IL16: variants seen among roughly 807,000 people sequenced by gnomAD.
The protein encoded by IL16 is pro-interleukin-16.
A neutral mutation model predicts 110.1 loss-of-function variants in IL16; 67 were observed. That is an observed-to-expected ratio of 0.61 (90% CI 0.50 to 0.75). The LOEUF (loss-of-function observed/expected upper bound fraction) is 0.75, where lower values mean the gene tolerates loss of function less well. Ranked by LOEUF, IL16 falls within the 30% of genes least tolerant of loss-of-function variation. IL16 has a pLI of 0.00. For synonymous variants in IL16, 689 were observed against 662.9 expected (o/e 1.04, Z -0.61); for missense variants, 1,545 against 1,655.0 (o/e 0.93, Z 1.15).
At chr15:81,271,704 CG>C (rs921490654) in intron 5 of IL16, among the ~76,000 whole-genome samples, 1 of 152,102 alleles carries the variant, frequency 6.6e-6, no homozygotes, top group Admixed American at 6.5e-5. Flanking sequence ...GCTAGGGGCC[CG>C]TGGAGGAGCC....
intron 17 of IL16, 32 bp downstream of exon 17, chr15:81,306,198 G>A: frequency 6.2e-7 from 1 of 1,603,996 alleles, no homozygotes. Context: ...GAAGCCACAT[G>A]GGCCACATCC....
chr15:81,248,628 A>G (rs7172611), intron 2 of IL16, among the ~76,000 whole-genome samples: 40,811 of 147,440 alleles, frequency 0.28, 7,124 homozygotes, highest in African/African-American at 0.5. Context: ...CTGCTTTCTT[A>G]TCTTTTTATT....
intron 1 of IL16, among the ~76,000 whole-genome samples, chr15:81,203,318 T>G (rs1293319835): frequency 6.6e-6 from 1 of 152,214 alleles, no homozygotes; most frequent in Non-Finnish European, 1.5e-5. Context: ...AGAAGCTCTT[T>G]AGTTTAATTA....
chr15:81,196,861 AT>A, upstream of IL16: 1 of 1,152,116 alleles, frequency 8.7e-7, no homozygotes, highest in Non-Finnish European at 1.1e-6. Flanking sequence ...CTTCGAGCAA[AT>A]CCATGCCAGG....
Position 81,269,580 on chromosome 15 carries a change from G to C in IL16, c.607G>C (p.Val203Leu), listed in dbSNP as rs149850550. The change falls in exon 5 of 19, where the codon GTG (valine) becomes CTG (leucine). Residue 203 changes from valine (V) to leucine (L), a missense_variant. This residue lies in a region of IL16 where 1,185 missense variants were observed against 1,238.8 expected (regional missense o/e 0.96). Transcript: ENST00000683961. ...ACGGTCCCTGAGCACAGCTCAGCTC[G>C]TGCAGCCATCTGGGGGCCTCCAGGC... ...PTRSLSTAQL[V>L]QPSGGLQASV... is the part of the protein sequence containing the mutation. 12 of 1,614,150 alleles carry C rather than the reference G, an allele frequency of 7.4e-6. No homozygotes were observed. The South Asian group carries it at 7.7e-5, about 10-fold the overall frequency.
intron 1 of IL16, among the ~76,000 whole-genome samples, chr15:81,223,650 A>G (rs1377201075): frequency 1.3e-5 from 2 of 152,258 alleles, no homozygotes; most frequent in African/African-American, 4.8e-5. Context: ...ACTAAATAGT[A>G]AAGCAATGAG....
intron 1 of IL16, among the ~76,000 whole-genome samples, chr15:81,202,491 A>C: frequency 8.0e-6 from 1 of 125,696 alleles, no homozygotes; most frequent in South Asian, 3.1e-4. Context: ...TACACCCACA[A>C]CAGTCCCCAG....
At chr15:81,290,690 C>A (rs563237064) in intron 11 of IL16, 150 bp downstream of exon 11, 12 of 493,850 alleles carry the variant, frequency 2.4e-5, no homozygotes, top group Non-Finnish European at 4.0e-5. Context: ...AAACTAGCAG[C>A]CCACCAGCTA....
At position 81,273,182 on chromosome 15, in the gene IL16, A is replaced by C; in HGVS notation, c.768A>C (p.Ala256=). Residue 256 remains alanine (A), a synonymous_variant, in exon 6 of 19, where the codon GCA becomes GCC. Coordinates refer to ENST00000683961, the MANE Select transcript of IL16 (RefSeq NM_172217.5). ...CCATTTTTGCAGGGGGAGCAGCAGC[A>C]GCCGATGGAAGGCTACAGGAAGGTA... ...VKTIFAGGAA[A]ADGRLQEGDE... The C allele has an allele frequency of 6.2e-7, 1 of 1,612,704 alleles. No homozygotes were observed. The highest frequency in any genetic ancestry group is 8.5e-7 in the Non-Finnish European group (1 of 1,179,124).
rs1381212188 is a variant in IL16, at chr15:81,310,047, G to A, written c.*1249G>A. 1 of 152,260 alleles carries A rather than the reference G, an allele frequency of 6.6e-6. No individual in the cohort carries two copies. Among genetic ancestry groups the A allele is most frequent in the Non-Finnish European group, 1.5e-5 (1 of 68,042 alleles). 9.4% of individuals were successfully genotyped at this position (152,260 alleles called of 1,614,324 possible). A position where few individuals can be genotyped will look rare whatever the true frequency, so the allele number is the denominator to read the frequency against. On this transcript the variant is annotated 3_prime_UTR_variant, in exon 19 of 19. Transcript: ENST00000683961. ...ATATTTGGTTTGGCCATCTCTGGAT[G>A]CCTGATTGCCAAGCTCAGGACCAGG...
At chr15:81,205,530 A>G (rs78051388) in intron 1 of IL16, among the ~76,000 whole-genome samples, 1 of 152,182 alleles carries the variant, frequency 6.6e-6, no homozygotes, top group Non-Finnish European at 1.5e-5. Flanking sequence ...AATGAAACCT[A>G]TGATTCATTA....
intron 1 of IL16, among the ~76,000 whole-genome samples, chr15:81,221,320 T>C (rs530430220): frequency 6.6e-6 from 1 of 152,098 alleles, no homozygotes; most frequent in Non-Finnish European, 1.5e-5. Context: ...GGCTGTCTTG[T>C]GGAGGGCCCA....
chr15:81,272,514 TA>T (rs1898686849), intron 5 of IL16, among the ~76,000 whole-genome samples: 1 of 152,312 alleles, frequency 6.6e-6, no homozygotes, highest in Non-Finnish European at 1.5e-5. Context: ...GGGAATCACC[TA>T]GGACAATGGC....
At chr15:81,298,164 A>G (rs1900084695) in intron 13 of IL16, among the ~76,000 whole-genome samples, 1 of 152,268 alleles carries the variant, frequency 6.6e-6, no homozygotes, top group South Asian at 2.1e-4. Context: ...TCAAAAATGC[A>G]GAAACAGGCT....
At chr15:81,308,553 T>C (rs1900687221) in intron 18 of IL16, 52 bp from the exon 19 acceptor site, 2 of 1,417,948 alleles carry the variant, frequency 1.4e-6, no homozygotes, top group South Asian at 2.7e-5. Flanking sequence ...AGGAGGCAAC[T>C]TTCCTTGTTC....
chr15:81,292,542 T>C lies in IL16; in HGVS notation c.1421-14T>C, dbSNP rs373737937. On this transcript the variant is annotated splice_polypyrimidine_tract_variant and intron_variant, in intron 11 of 18. Coordinates refer to ENST00000683961, the MANE Select transcript of IL16 (RefSeq NM_172217.5). Reference sequence around the variant, plus strand: ...AAGCTCAGCTGTGAAGATTCTCTTGTGCTTCCCACACAGGTGTCAAAAGGC... The same window carrying C: ...AAGCTCAGCTGTGAAGATTCTCTTGCGCTTCCCACACAGGTGTCAAAAGGC... The C allele has an allele frequency of 6.0e-5, 96 of 1,610,198 alleles. No individual in the cohort carries two copies. Among genetic ancestry groups the C allele is most frequent in the Non-Finnish European group, 8.1e-5 (95 of 1,177,196 alleles).
At chr15:81,236,912 C>T (rs1324639071) in intron 2 of IL16, among the ~76,000 whole-genome samples, 4 of 152,026 alleles carry the variant, frequency 2.6e-5, no homozygotes, top group African/African-American at 4.8e-5. Context: ...GAGCTGAGAT[C>T]GCAACCATTG....
intron 2 of IL16, among the ~76,000 whole-genome samples, chr15:81,227,836 A>G (rs114024437): frequency 0.012 from 1,809 of 152,176 alleles, 37 homozygotes; most frequent in African/African-American, 0.042. Flanking sequence ...TGGCCAAGGT[A>G]GGGATTTGTT....
chr15:81,185,555 A>AT (rs1443717942), intron 1 of IL16, among the ~76,000 whole-genome samples: 2 of 151,922 alleles, frequency 1.3e-5, no homozygotes, highest in Non-Finnish European at 1.5e-5. Flanking sequence ...GAGTCTTCCT[A>AT]TGTTGCTCAG....
Sources: gnomAD v4.1 joint callset for allele counts (sites outside exome capture counted in the v4.1 genomes callset) on GRCh38, gnomAD v4.1.1 for gene constraint, gnomAD v4.1.1 regional missense constraint, MANE v1.5 for transcripts, NCBI Gene and HGNC (gene_info 2026-07-23, HGNC 2026-07-21) for gene names.